The following PRKD1 variants were observed in gnomAD, a reference collection of about 807,000 sequenced individuals.
PRKD1 encodes serine/threonine-protein kinase D1.
In PRKD1, 63 loss-of-function variants were observed where a neutral mutation model predicts 95.9. The ratio of observed to expected loss-of-function variants is 0.66; its 90% confidence interval spans 0.54 to 0.81. PRKD1 has a LOEUF of 0.81. Ranked by LOEUF, PRKD1 falls within the 30% of genes least tolerant of loss-of-function variation. The probability of loss-of-function intolerance (pLI) is 0.00; values close to 1 mark genes in which losing one functional copy is unlikely to be tolerated. For missense variants in PRKD1, 1,048 were observed against 1,165.3 expected, an observed-to-expected ratio of 0.90 and a Z score of 1.47; for synonymous variants, 425 against 423.1, an observed-to-expected ratio of 1.00 and a Z score of -0.05.
intron 4 of PRKD1, among the ~76,000 whole-genome samples, chr14:29,653,529 A>G (rs1223059642): frequency 6.6e-6 from 1 of 152,138 alleles, no homozygotes; most frequent in Non-Finnish European, 1.5e-5. Context: ...AGGTCATCCA[A>G]TATCTTAAAT....
At chr14:29,696,061 A>G (rs1266168705) in intron 2 of PRKD1, among the ~76,000 whole-genome samples, 2 of 152,192 alleles carry the variant, frequency 1.3e-5, no homozygotes, top group East Asian at 3.8e-4. Flanking sequence ...TTCTTTTGCA[A>G]TTTCTGAAAG....
chr14:29,868,789 G>C (rs1354748123), intron 1 of PRKD1, among the ~76,000 whole-genome samples: 1 of 152,138 alleles, frequency 6.6e-6, no homozygotes, highest in Non-Finnish European at 1.5e-5. Context: ...ATGGAACAAT[G>C]AAACACTAGG....
intron 1 of PRKD1, among the ~76,000 whole-genome samples, chr14:29,849,774 C>T (rs985716953): frequency 1.3e-5 from 2 of 151,864 alleles, no homozygotes; most frequent in Non-Finnish European, 2.9e-5. Flanking sequence ...GTTCGATATC[C>T]CTGATGAATA....
Position 29,577,272 on chromosome 14 carries a change from A to G in PRKD1, c.2705T>C (p.Met902Thr), listed in dbSNP as rs777107420. 68 of 1,613,698 alleles carry G rather than the reference A, an allele frequency of 4.2e-5. No homozygotes were observed. In the South Asian group the frequency reaches 7.0e-4, roughly 17 times the overall value. Residue 902 changes from methionine to threonine, a missense_variant, in exon 18 of 18, where the codon ATG becomes ACG. Physicochemically the swap from Met to Thr is moderately conservative, Grantham distance 81. Coordinates refer to ENST00000331968, the MANE Select transcript of PRKD1 (RefSeq NM_002742.3). ...GCTGACACGCTCACCGAGGGCTTTCATTTCTGTTTCTTCAGTCTCAGGAGT... is the reference window on the plus strand; with the variant it reads ...GCTGACACGCTCACCGAGGGCTTTCGTTTCTGTTTCTTCAGTCTCAGGAGT... ...SDTPETEETE[M>T]KALGERVSIL
intron 2 of PRKD1, among the ~76,000 whole-genome samples, chr14:29,671,355 CAAGT>C (rs1461222759): frequency 6.6e-6 from 1 of 151,990 alleles, no homozygotes; most frequent in African/African-American, 2.4e-5. Context: ...AGGTTGAATG[CAAGT>C]AAGTGGCTCC....
At chr14:29,831,997 T>C (rs10148422) in intron 1 of PRKD1, among the ~76,000 whole-genome samples, 2,235 of 152,300 alleles carry the variant, frequency 0.015, 49 homozygotes, top group African/African-American at 0.051. Context: ...CATACCATAT[T>C]ATTATTTATT....
chr14:29,889,813 C>T lies in PRKD1; in HGVS notation c.264+37436G>A, dbSNP rs8013573. Among the ~76,000 whole-genome samples, 145 of 152,274 alleles carry T rather than the reference C, an allele frequency of 9.5e-4. 3 individuals are homozygous for T. The highest frequency in any genetic ancestry group is 3.4e-3 in the African/African-American group (140 of 41,548). On this transcript the variant is annotated intron_variant, in intron 1 of 17. Transcript: ENST00000331968. Reference sequence around the variant, plus strand: ...ATGATGAGTGGAAGGGTGCAGCAAACCAACATGGCACATGTATACCTATGT... The same window carrying T: ...ATGATGAGTGGAAGGGTGCAGCAAATCAACATGGCACATGTATACCTATGT...
At chr14:29,582,261 A>G (rs1251858516) in intron 16 of PRKD1, among the ~76,000 whole-genome samples, 1 of 152,194 alleles carries the variant, frequency 6.6e-6, no homozygotes, top group African/African-American at 2.4e-5. Flanking sequence ...GAATTTTGTC[A>G]AGGATAAATA....
At position 29,728,363 on chromosome 14, in the gene PRKD1, T is replaced by G. The variant is rs556215150; in HGVS notation, c.265-2689A>C. 5.4e-4 allele frequency among the ~76,000 whole-genome samples: 82 copies of G among 152,248 alleles called. No individual in the cohort carries two copies. In the Middle Eastern group the frequency reaches 0.01, roughly 19 times the overall value. On this transcript the variant is annotated intron_variant, in intron 1 of 17. Transcript: ENST00000331968. The stretch of plus-strand genomic sequence containing the variant: ...GAGTCTTGACAAATATAACTACCCA[T>G]ATAACCAAAATCACAATCAAGCCAT...
chr14:29,702,182 A>G (rs1210053658), intron 2 of PRKD1, among the ~76,000 whole-genome samples: 4 of 152,078 alleles, frequency 2.6e-5, no homozygotes, highest in African/African-American at 7.2e-5. Context: ...TAAGTATTTT[A>G]TGGATTTCTC....
At chr14:29,920,064 G>A (rs373587684) in intron 1 of PRKD1, among the ~76,000 whole-genome samples, 3 of 110,130 alleles carry the variant, frequency 2.7e-5, no homozygotes, top group Admixed American at 9.4e-5. Context: ...AAGGAAGGAA[G>A]GAAAGAAGGA....
intron 4 of PRKD1, among the ~76,000 whole-genome samples, chr14:29,646,570 TA>T (rs1881138130): frequency 6.6e-6 from 1 of 151,588 alleles, no homozygotes; most frequent in Admixed American, 6.6e-5. Context: ...GATAGATAGA[TA>T]AATTTTTTTC....
intron 1 of PRKD1, among the ~76,000 whole-genome samples, chr14:29,840,708 G>A (rs1209571433): frequency 2.3e-4 from 35 of 152,188 alleles, no homozygotes; most frequent in Admixed American, 1.9e-3. Context: ...AGCAAGTCAC[G>A]TCTTACATGG....
chr14:29,605,482 G>A (rs981672183), intron 13 of PRKD1, among the ~76,000 whole-genome samples: 2 of 152,044 alleles, frequency 1.3e-5, no homozygotes, highest in Non-Finnish European at 2.9e-5. Context: ...GCCTGACCAC[G>A]AACGTTTATC....
chr14:29,660,792 C>T (rs1201009342), intron 4 of PRKD1, among the ~76,000 whole-genome samples: 1 of 151,902 alleles, frequency 6.6e-6, no homozygotes, highest in African/African-American at 2.4e-5. Context: ...CTACAGTTGC[C>T]CAAAAGTCCA....
chr14:29,852,882 T>C (rs1202689958), intron 1 of PRKD1, among the ~76,000 whole-genome samples: 1 of 152,150 alleles, frequency 6.6e-6, no homozygotes, highest in Admixed American at 6.6e-5. Flanking sequence ...AAATCCCTCC[T>C]TATCAGTAAT....
rs1335561058 is a variant in PRKD1, at chr14:29,589,002, CA to C, written c.2434+8488del. Among the ~76,000 whole-genome samples, 16 of 152,134 alleles carry C rather than the reference CA, an allele frequency of 1.1e-4. No individual in the cohort carries two copies. In the East Asian group the frequency reaches 3.1e-3, roughly 29 times the overall value. On this transcript the variant is annotated intron_variant, in intron 16 of 17. Coordinates refer to ENST00000331968, the MANE Select transcript of PRKD1 (RefSeq NM_002742.3). ...AAAATGATCTTCTGTCTGCAGGGGTCAGGGGCTCATTGTGAGACAATTTCCG... is the reference window on the plus strand; with the variant it reads ...AAAATGATCTTCTGTCTGCAGGGGTCGGGGCTCATTGTGAGACAATTTCCG...
chr14:29,675,839 T>C (rs997742467), intron 2 of PRKD1, among the ~76,000 whole-genome samples: 12 of 151,922 alleles, frequency 7.9e-5, no homozygotes, highest in Admixed American at 6.6e-4. Context: ...GGGACATGGA[T>C]GAAGCTGGAA....
chr14:29,699,766 C>T (rs868632262), intron 2 of PRKD1, among the ~76,000 whole-genome samples: 34 of 152,238 alleles, frequency 2.2e-4, no homozygotes, highest in African/African-American at 7.5e-4. Context: ...CCAACCCCAC[C>T]TATGGTATAA....
Sources: allele counts gnomAD v4.1 joint callset (sites outside exome capture counted in the v4.1 genomes callset), GRCh38; gene constraint gnomAD v4.1.1; transcripts MANE v1.5; gene names NCBI Gene and HGNC (gene_info 2026-07-23, HGNC 2026-07-21).